The following NUP62CL variants were observed in gnomAD, a reference collection of about 807,000 sequenced individuals.
NUP62CL encodes nucleoporin 62 C-terminal like.
NUP62CL carries 13 observed loss-of-function variants against 15.3 expected under a neutral mutation model. The observed-to-expected ratio is 0.85, with a 90% CI of 0.55 to 1.35. The LOEUF (loss-of-function observed/expected upper bound fraction) is 1.35, where lower values mean the gene tolerates loss of function less well. Among genes scored for constraint, NUP62CL ranks in the 40% most tolerant of loss-of-function variants. The pLI is 0.00. For synonymous variants in NUP62CL, 54 were observed against 49.2 expected, an observed-to-expected ratio of 1.10 and a Z score of -0.41; for missense variants, 123 against 130.6, an observed-to-expected ratio of 0.94 and a Z score of 0.28.
In NUP62CL at chrX:107,147,821, T is replaced by C; in HGVS notation, c.531-12A>G. Reference sequence around the variant, plus strand: ...CAGATCTGGTGGAGCTAAAAATACATATAAGACTTTTAGATTATGATTATT... The same window carrying C: ...CAGATCTGGTGGAGCTAAAAATACACATAAGACTTTTAGATTATGATTATT... On this transcript the variant is annotated splice_polypyrimidine_tract_variant and intron_variant, in intron 7 of 8. Transcript: ENST00000372466. 1 of 1,161,275 alleles carries C rather than the reference T, an allele frequency of 8.6e-7. No homozygotes were observed. The highest frequency in any genetic ancestry group is 1.2e-6 in the Non-Finnish European group (1 of 852,435).
chrX:107,125,022 C>G (rs1925355298), intron 8 of NUP62CL, among the ~76,000 whole-genome samples: 1 of 111,583 alleles, frequency 9.0e-6, no homozygotes, highest in Admixed American at 9.5e-5. Context: ...ATACAGTTGA[C>G]TCTTGGAAAA....
intron 2 of NUP62CL, among the ~76,000 whole-genome samples, chrX:107,189,877 A>AAAGAAAG (rs1556028782): frequency 7.1e-5 from 4 of 56,126 alleles, no homozygotes; most frequent in Non-Finnish European, 1.2e-4. Flanking sequence ...AAAAAGAAAG[A>AAAGAAAG]AAAGAAAGAA....
intron 8 of NUP62CL, among the ~76,000 whole-genome samples, chrX:107,144,938 A>G (rs1320098427): frequency 9.0e-6 from 1 of 111,581 alleles, no homozygotes; most frequent in Non-Finnish European, 1.9e-5. Context: ...TAAAAGATAG[A>G]TATTATCCCT....
chrX:107,156,755 C>T (rs1343656786), intron 4 of NUP62CL, among the ~76,000 whole-genome samples: 1 of 104,820 alleles, frequency 9.5e-6, no homozygotes, highest in Non-Finnish European at 1.9e-5. Context: ...AGTTCCTCAC[C>T]AGCAACGGAA....
At chrX:107,198,887 A>G (rs991562075) in intron 1 of NUP62CL, among the ~76,000 whole-genome samples, 2 of 112,478 alleles carry the variant, frequency 1.8e-5, no homozygotes, top group African/African-American at 6.5e-5. Context: ...TGGACACACT[A>G]TCAGCTGGCC....
intron 8 of NUP62CL, among the ~76,000 whole-genome samples, chrX:107,129,630 A>G (rs750097296): frequency 2.0e-4 from 22 of 111,895 alleles, no homozygotes; most frequent in Non-Finnish European, 3.2e-4. Flanking sequence ...TAACAGTTAG[A>G]GGTCCCCCAA....
chrX:107,160,279 G>A (rs370161117), intron 4 of NUP62CL, among the ~76,000 whole-genome samples: 3 of 104,882 alleles, frequency 2.9e-5, no homozygotes, highest in Non-Finnish European at 5.8e-5. Flanking sequence ...TGGAAAAAAC[G>A]ACTTTAAAGT....
At chrX:107,184,510 A>C (rs145111352) in intron 2 of NUP62CL, among the ~76,000 whole-genome samples, 1 of 111,321 alleles carries the variant, frequency 9.0e-6, no homozygotes, top group African/African-American at 3.3e-5. Flanking sequence ...AGTGAACTGG[A>C]TGATAGAATC....
At position 107,160,870 on chromosome X, in the gene NUP62CL, G is replaced by A. The variant is rs10436741; in HGVS notation, c.195-6624C>T. The stretch of plus-strand genomic sequence containing the variant: ...ACCTACAACATGGGAGAAAATTTTC[G>A]CAACCTACTCATCTGACAAAGGGCT... On this transcript the variant is annotated intron_variant, in intron 4 of 8. Coordinates refer to ENST00000372466, the MANE Select transcript of NUP62CL (RefSeq NM_017681.3). Among the ~76,000 whole-genome samples, 450 of 109,076 alleles carry A rather than the reference G, an allele frequency of 4.1e-3. 2 individuals are homozygous for A. The highest frequency in any genetic ancestry group is 5.5e-3 in the Non-Finnish European group (290 of 52,303). The allele number at this position is 109,076 out of a possible 115,157, so 94.7% of individuals were successfully genotyped here. A position where few individuals can be genotyped will look rare whatever the true frequency, so the allele number is the denominator to read the frequency against.
In NUP62CL at chrX:107,194,807, CTCTCTT is replaced by C. The variant is rs1465999447; in HGVS notation, c.-91-1741_-91-1736del. ...CATTGAGTCCAATTTTCTTTTCTTTCTCTCTTTTTTTTTTTTTTTTTTTTTTTTTGA... is the reference window on the plus strand; with the variant it reads ...CATTGAGTCCAATTTTCTTTTCTTTCTTTTTTTTTTTTTTTTTTTTTTTGA... On this transcript the variant is annotated intron_variant, in intron 1 of 8. Coordinates refer to ENST00000372466, the MANE Select transcript of NUP62CL (RefSeq NM_017681.3). 1.7e-4 allele frequency among the ~76,000 whole-genome samples: 15 copies of C among 90,842 alleles called. 1 individual carries two copies. The highest frequency in any genetic ancestry group is 5.3e-4 in the South Asian group (1 of 1,891). The allele number at this position is 90,842 out of a possible 115,157, so 78.9% of individuals were successfully genotyped here. A position where few individuals can be genotyped will look rare whatever the true frequency, so the allele number is the denominator to read the frequency against.
At chrX:107,176,369 A>G (rs1443098163) in intron 2 of NUP62CL, among the ~76,000 whole-genome samples, 1 of 111,730 alleles carries the variant, frequency 9.0e-6, no homozygotes, top group Non-Finnish European at 1.9e-5. Context: ...TACAACATGG[A>G]TGAATCTTGA....
intron 8 of NUP62CL, among the ~76,000 whole-genome samples, chrX:107,132,538 C>A (rs777677724): frequency 5.4e-5 from 6 of 111,487 alleles, no homozygotes; most frequent in Non-Finnish European, 7.5e-5. Flanking sequence ...GTGGGAGGAT[C>A]ACTTGGACCT....
intron 4 of NUP62CL, among the ~76,000 whole-genome samples, chrX:107,163,857 G>A (rs1316270199): frequency 9.0e-6 from 1 of 111,284 alleles, no homozygotes; most frequent in Non-Finnish European, 1.9e-5. Flanking sequence ...CAAAATACAT[G>A]AAATAAAAAC....
chrX:107,187,013 G>A (rs1418322882), intron 2 of NUP62CL, among the ~76,000 whole-genome samples: 1 of 112,264 alleles, frequency 8.9e-6, no homozygotes, highest in Non-Finnish European at 1.9e-5. Context: ...GATACAGAGT[G>A]CATTCTCCAA....
chrX:107,204,759 T>TTTTAAATAAATTATTTAAATAAAA (rs1927588584), intron 1 of NUP62CL, among the ~76,000 whole-genome samples: 1 of 81,200 alleles, frequency 1.2e-5, no homozygotes, highest in Non-Finnish European at 2.2e-5. Context: ...TTTAAATAAA[T>TTTTAAATAAATTATTTAAATAAAA]TTTAAATAAA....
intron 7 of NUP62CL, among the ~76,000 whole-genome samples, chrX:107,152,083 T>TATATATTCAG (rs1926038205): frequency 1.3e-5 from 1 of 78,549 alleles, no homozygotes; most frequent in African/African-American, 5.6e-5. Context: ...TATTCAGATA[T>TATATATTCAG]ATATATATAT....
At chrX:107,165,383 G>A (rs1281757841) in intron 4 of NUP62CL, among the ~76,000 whole-genome samples, 1 of 110,280 alleles carries the variant, frequency 9.1e-6, no homozygotes, top group Non-Finnish European at 1.9e-5. Context: ...AGAAGTTTTC[G>A]CTAGAGAATT....
At chrX:107,196,428 TTTTG>T (rs1374620939) in intron 1 of NUP62CL, among the ~76,000 whole-genome samples, 2 of 111,509 alleles carry the variant, frequency 1.8e-5, no homozygotes, top group Admixed American at 9.6e-5. Context: ...TATATATTTC[TTTTG>T]TTTGTTTGTT....
rs141354394 is a variant in NUP62CL at position 107,192,388 on chromosome X, T to A, written c.-48+641A>T. Among the ~76,000 whole-genome samples the A allele has an allele frequency of 6.5e-3, 722 of 111,569 alleles. 6 individuals carry two copies. Among genetic ancestry groups the A allele is most frequent in the African/African-American group, 0.022 (678 of 30,656 alleles). On this transcript the variant is annotated intron_variant, in intron 2 of 8. Coordinates refer to ENST00000372466, the MANE Select transcript of NUP62CL (RefSeq NM_017681.3). ...ATAAATAGCATAATTCCAAATAGAT[T>A]TTCATTTTTGAGACAGCGTCTCGCT...
Sources: allele counts gnomAD v4.1 joint callset (sites outside exome capture counted in the v4.1 genomes callset), GRCh38; gene constraint gnomAD v4.1.1; transcripts MANE v1.5; gene names NCBI Gene and HGNC (gene_info 2026-07-23, HGNC 2026-07-21).